KALRN: variants seen among roughly 807,000 people sequenced by gnomAD.
KALRN encodes kalirin RhoGEF kinase.
A neutral mutation model predicts 353.7 loss-of-function variants in KALRN; 70 were observed. The observed-to-expected ratio is 0.20, with a 90% confidence interval of 0.16 to 0.24. KALRN has a LOEUF of 0.24. KALRN is among the 10% of genes least tolerant of loss of function. KALRN has a pLI of 1.00. For missense variants in KALRN, 2,791 were observed against 3,756.7 expected, an observed-to-expected ratio of 0.74 and a Z score of 6.72; for synonymous variants, 1,391 against 1,434.8, an observed-to-expected ratio of 0.97 and a Z score of 0.69.
intron 17 of KALRN, among the ~76,000 whole-genome samples, chr3:124,435,429 A>G (rs1271864702): frequency 6.6e-6 from 1 of 152,234 alleles, no homozygotes; most frequent in Non-Finnish European, 1.5e-5. Context: ...CAATATGCAC[A>G]GGGCTAAGAG....
intron 4 of KALRN, among the ~76,000 whole-genome samples, chr3:124,266,294 A>G (rs768148379): frequency 1.3e-5 from 2 of 152,324 alleles, no homozygotes; most frequent in East Asian, 3.9e-4. Flanking sequence ...GCATGTATGG[A>G]GAAGAAAACT....
At chr3:124,647,852 C>G (rs2082954279) in intron 37 of KALRN, among the ~76,000 whole-genome samples, 1 of 152,200 alleles carries the variant, frequency 6.6e-6, no homozygotes, top group African/African-American at 2.4e-5. Flanking sequence ...AGATCCAGCG[C>G]CCAGGAAATG....
Position 124,434,544 on chromosome 3 carries a change from G to C in KALRN, c.3048+19G>C. On this transcript the variant is annotated intron_variant, in intron 17 of 59. Transcript: ENST00000682506. The stretch of plus-strand genomic sequence containing the variant: ...TGAACAGGTGAGGGAAAAGACTGTG[G>C]GGCTTGTGGGGCTGAGATTGCCAGG... The C allele has an allele frequency of 3.7e-6, 6 of 1,610,680 alleles. No individual in the cohort carries two copies. Among genetic ancestry groups the C allele is most frequent in the Non-Finnish European group, 5.1e-6 (6 of 1,177,196 alleles).
chr3:124,161,907 CT>C (rs2070028852), intron 1 of KALRN, among the ~76,000 whole-genome samples: 1 of 152,116 alleles, frequency 6.6e-6, no homozygotes, highest in South Asian at 2.1e-4. Flanking sequence ...AGATAGATAC[CT>C]TTTGGATTGA....
chr3:124,488,136 C>A, intron 28 of KALRN, 68 bp from the exon 29 acceptor site: 1 of 908,070 alleles, frequency 1.1e-6, no homozygotes, highest in Non-Finnish European at 1.8e-6. Flanking sequence ...AATTTCCTTG[C>A]TGGGTTAGGT....
intron 1 of KALRN, among the ~76,000 whole-genome samples, chr3:124,196,205 T>C (rs1242814285): frequency 6.6e-6 from 1 of 152,224 alleles, no homozygotes; most frequent in African/African-American, 2.4e-5. Flanking sequence ...TCTATCTTAG[T>C]CTCAGACAAG....
intron 24 of KALRN, 122 bp downstream of exon 24, chr3:124,462,078 C>A: frequency 1.4e-6 from 1 of 706,274 alleles, no homozygotes; most frequent in South Asian, 1.7e-5. Context: ...ATTAAAAAGT[C>A]AACAAGAGGA....
chr3:124,364,112 G>A (rs2084368912), intron 10 of KALRN, among the ~76,000 whole-genome samples: 1 of 152,212 alleles, frequency 6.6e-6, no homozygotes. Context: ...CTGCCTCCAA[G>A]CCAGCTTGTT....
At chr3:124,314,737 G>A (rs1431044273) in intron 6 of KALRN, among the ~76,000 whole-genome samples, 2 of 152,184 alleles carry the variant, frequency 1.3e-5, no homozygotes, top group Admixed American at 1.3e-4. Flanking sequence ...GCTCACTGCA[G>A]CCTCAACCTC....
chr3:124,606,855 A>C (rs1203255867), intron 34 of KALRN, among the ~76,000 whole-genome samples: 1 of 152,264 alleles, frequency 6.6e-6, no homozygotes, highest in Non-Finnish European at 1.5e-5. Flanking sequence ...AAAGGCAATA[A>C]ACTTTTCAAA....
chr3:124,611,152 G>C (rs1201232667), intron 34 of KALRN, among the ~76,000 whole-genome samples: 1 of 152,210 alleles, frequency 6.6e-6, no homozygotes, highest in Non-Finnish European at 1.5e-5. Context: ...ATCAGGGAAG[G>C]CTGTGCTGAT....
At chr3:124,186,767 A>G (rs2074277123) in intron 1 of KALRN, among the ~76,000 whole-genome samples, 1 of 152,124 alleles carries the variant, frequency 6.6e-6, no homozygotes, top group Admixed American at 6.6e-5. Flanking sequence ...CACAGTCCAA[A>G]TTTCAACCAT....
intron 1 of KALRN, chr3:124,080,154 GTA>G: frequency 2.3e-6 from 1 of 436,772 alleles, no homozygotes; most frequent in Non-Finnish European, 4.8e-6. Flanking sequence ...CTTCTGTATA[GTA>G]TGAGTTAGCT....
chr3:124,373,499 C>T (rs1004468707), intron 10 of KALRN, among the ~76,000 whole-genome samples: 3 of 152,228 alleles, frequency 2.0e-5, no homozygotes, highest in African/African-American at 4.8e-5. Context: ...TTTATCGTCT[C>T]ACAGTTCTGG....
chr3:124,565,582 G>T (rs1241796932), intron 34 of KALRN, among the ~76,000 whole-genome samples: 4 of 152,212 alleles, frequency 2.6e-5, no homozygotes, highest in Non-Finnish European at 5.9e-5. Context: ...CATCTGCAGA[G>T]ACAAAATCAA....
At chr3:124,110,421 C>A (rs570572223) in intron 1 of KALRN, among the ~76,000 whole-genome samples, 3 of 148,028 alleles carry the variant, frequency 2.0e-5, no homozygotes, top group Admixed American at 6.8e-5. Flanking sequence ...AAATATATTC[C>A]ATTTTTATGT....
chr3:124,713,134 C>A lies in KALRN; in HGVS notation c.8275C>A (p.Leu2759Met), dbSNP rs1269478585. 6.2e-7 allele frequency: 1 copy of A among 1,611,906 alleles called. No homozygotes were observed. Among genetic ancestry groups the A allele is most frequent in the South Asian group, 1.1e-5 (1 of 90,554 alleles). The change falls in exon 58 of 60, where the codon CTG (leucine) becomes ATG (methionine). Residue 2759 changes from leucine to methionine, a missense_variant and splice_region_variant. By Grantham distance (15) the Leu-to-Met change is conservative (BLOSUM62 2). Coordinates refer to ENST00000682506, the MANE Select transcript of KALRN (RefSeq NM_001388419.1). ...SPTSYILILE[L>M]MDDGRLLDYL... ...CACATCCTACATCCTGATCTTGGAA[C>A]TGTAAGTACAGACGCCATCTCTCTA... is the stretch of plus-strand genomic sequence containing the variant.
intron 10 of KALRN, among the ~76,000 whole-genome samples, chr3:124,374,099 G>C (rs182079734): frequency 6.9e-4 from 105 of 152,282 alleles, no homozygotes; most frequent in Admixed American, 2.5e-3. Context: ...ACTTTGGGAG[G>C]TGATCAGTGC....
At chr3:124,141,390 A>G (rs1322322823) in intron 1 of KALRN, among the ~76,000 whole-genome samples, 1 of 152,100 alleles carries the variant, frequency 6.6e-6, no homozygotes, top group Non-Finnish European at 1.5e-5. Flanking sequence ...TTCTAAGCAA[A>G]GTGATCTTCC....
Sources: gnomAD v4.1 joint callset for allele counts (sites outside exome capture counted in the v4.1 genomes callset) on GRCh38, gnomAD v4.1.1 for gene constraint, MANE v1.5 for transcripts, NCBI Gene and HGNC (gene_info 2026-07-23, HGNC 2026-07-21) for gene names.